Variants in KIF9 observed in about 807,000 individuals in gnomAD.
KIF9 encodes the protein kinesin-like protein KIF9.
A neutral mutation model predicts 94.8 loss-of-function variants in KIF9; 68 were observed. The observed-to-expected ratio is 0.72, with a 90% CI of 0.59 to 0.88. KIF9 has a LOEUF of 0.88. Ranked by LOEUF, KIF9 falls within the 40% of genes least tolerant of loss-of-function variation. The pLI is 0.00. For synonymous variants in KIF9, 343 were observed against 362.1 expected (o/e 0.95, Z 0.60); for missense variants, 882 against 982.5 (o/e 0.90, Z 1.37).
chr3:47,235,431 C>T (rs2107064212), intron 20 of KIF9, 82 bp downstream of exon 20: 3 of 959,752 alleles, frequency 3.1e-6, no homozygotes, highest in East Asian at 2.4e-5. Flanking sequence ...CCTCCCCTAC[C>T]TCTCTAAAGT....
intron 17 of KIF9, among the ~76,000 whole-genome samples, chr3:47,238,041 A>G (rs1179271493): frequency 6.6e-6 from 1 of 152,222 alleles, no homozygotes; most frequent in Non-Finnish European, 1.5e-5. Flanking sequence ...ATCTCCAGGA[A>G]GAAAAAGAGT....
intron 5 of KIF9, among the ~76,000 whole-genome samples, chr3:47,270,303 G>A (rs1347900621): frequency 6.6e-6 from 1 of 151,070 alleles, no homozygotes; most frequent in Non-Finnish European, 1.5e-5. Flanking sequence ...GCCCAGGTTG[G>A]AGTGCAATGG....
At chr3:47,268,226 A>C (rs1701413033) in intron 5 of KIF9, among the ~76,000 whole-genome samples, 1 of 152,172 alleles carries the variant, frequency 6.6e-6, no homozygotes, top group South Asian at 2.1e-4. Context: ...TTACAGGAGG[A>C]GGCCTTATGA....
intron 2 of KIF9, among the ~76,000 whole-genome samples, chr3:47,275,874 C>G (rs1701933939): frequency 6.6e-6 from 1 of 152,186 alleles, no homozygotes; most frequent in Non-Finnish European, 1.5e-5. Context: ...AGCCTGGTAA[C>G]AGAGGCCTGG....
chr3:47,267,290 C>T, intron 5 of KIF9, 27 bp from the exon 6 acceptor site: 1 of 1,474,518 alleles, frequency 6.8e-7, no homozygotes, highest in Non-Finnish European at 9.5e-7. Flanking sequence ...TCATAGGCAA[C>T]ATTTCGAAAA....
chr3:47,257,750 C>T (rs1700715071), intron 9 of KIF9, among the ~76,000 whole-genome samples, 190 bp from the exon 10 acceptor site: 1 of 152,124 alleles, frequency 6.6e-6, no homozygotes, highest in South Asian at 2.1e-4. Context: ...ATGAGAAGAG[C>T]AGGAAGGTGA....
chr3:47,267,325 C>A lies in KIF9; in HGVS notation c.592-62G>T. 2.5e-6 allele frequency: 3 copies of A among 1,206,594 alleles called. No individual in the cohort carries two copies. In the South Asian group the frequency reaches 3.6e-5, roughly 15 times the overall value. 74.7% of individuals were successfully genotyped at this position (1,206,594 alleles called of 1,614,324 possible). On this transcript the variant is annotated intron_variant, in intron 5 of 20. Coordinates refer to ENST00000684063, the MANE Select transcript of KIF9 (RefSeq NM_182902.4). ...AACTAAAACGACAAGGCACTTGGGT[C>A]ATTTTTCAATTATACCAATAGCTAC...
At chr3:47,242,450 A>T (rs557488239) in intron 16 of KIF9, among the ~76,000 whole-genome samples, 1 of 152,318 alleles carries the variant, frequency 6.6e-6, no homozygotes, top group African/African-American at 2.4e-5. Flanking sequence ...GTTGGTGTAC[A>T]GGTGTTCGCT....
At position 47,273,655 on chromosome 3, in the gene KIF9, G is replaced by A. The variant is rs368004267; in HGVS notation, c.263C>T (p.Thr88Ile). 7.4e-6 allele frequency: 12 copies of A among 1,613,008 alleles called. No individual in the cohort carries two copies. Among genetic ancestry groups the A allele is most frequent in the African/African-American group, 2.7e-5 (2 of 74,922 alleles). Residue 88 changes from threonine (T) to isoleucine (I), a missense_variant, in exon 4 of 21, where the codon ACC becomes ATC. Coordinates refer to ENST00000684063, the MANE Select transcript of KIF9 (RefSeq NM_182902.4). The stretch of plus-strand genomic sequence containing the variant: ...TCCCGTCTGCCCATAACACATGATG[G>A]TGCCTGCAAACATTTCAAAACACGG... Reference protein sequence around the residue: ...VSQALDGYNGTIMCYGQTGAG... With the variant: ...VSQALDGYNGIIMCYGQTGAG...
intron 8 of KIF9, among the ~76,000 whole-genome samples, chr3:47,264,667 G>A (rs1427113157): frequency 1.3e-5 from 2 of 152,164 alleles, no homozygotes; most frequent in Non-Finnish European, 2.9e-5. Flanking sequence ...TGAACTCCTG[G>A]CCTCAAGCGA....
At chr3:47,268,585 T>C (rs1169608471) in intron 5 of KIF9, among the ~76,000 whole-genome samples, 4 of 134,798 alleles carry the variant, frequency 3.0e-5, no homozygotes, top group African/African-American at 1.1e-4. Flanking sequence ...TTTCTTCTTC[T>C]TTTTTTTTTT....
chr3:47,260,189 A>G (rs1443997442), intron 9 of KIF9, among the ~76,000 whole-genome samples: 14 of 132,918 alleles, frequency 1.1e-4, no homozygotes, highest in Non-Finnish European at 1.9e-4. Context: ...ATGCATATCT[A>G]AAAGCACAGC....
At chr3:47,278,249 T>C (rs1000934261) in intron 1 of KIF9, among the ~76,000 whole-genome samples, 2 of 150,720 alleles carry the variant, frequency 1.3e-5, no homozygotes, top group Non-Finnish European at 2.9e-5. Context: ...TTTTCTTACA[T>C]TTTTTTTGCA....
intron 17 of KIF9, chr3:47,239,463 G>T: frequency 1.3e-6 from 1 of 746,154 alleles, no homozygotes; most frequent in Non-Finnish European, 1.7e-6. Context: ...GCCTTCTCCA[G>T]CTTCCCAGAC....
In KIF9 at chr3:47,244,820, C is replaced by T. The variant is rs758513292; in HGVS notation, c.1485G>A (p.Lys495=). The T allele has an allele frequency of 7.1e-5, 114 of 1,613,986 alleles. No homozygotes were observed. Among genetic ancestry groups the T allele is most frequent in the Non-Finnish European group, 7.6e-6 (9 of 1,180,040 alleles). The change falls in exon 15 of 21, where the codon AAG becomes AAA. Residue 495 remains lysine, a synonymous_variant. Transcript: ENST00000684063. ...PFSTKPGKKA[K]SKKTFKEPLS... is the part of the protein sequence containing the mutation. ...GTGGCTCTTTGAATGTCTTCTTGGA[C>T]TTGGCTTTCTTCCCAGGTTTGGTAG... is the stretch of plus-strand genomic sequence containing the variant.
intron 4 of KIF9, among the ~76,000 whole-genome samples, chr3:47,272,089 C>T (rs2107490670): frequency 6.6e-6 from 1 of 152,220 alleles, no homozygotes; most frequent in African/African-American, 2.4e-5. Context: ...CACTGCACTC[C>T]AGCCTGGGTG....
intron 9 of KIF9, among the ~76,000 whole-genome samples, chr3:47,261,055 T>G (rs1362715314): frequency 1.3e-5 from 2 of 151,938 alleles, no homozygotes; most frequent in Non-Finnish European, 2.9e-5. Flanking sequence ...AAGTGGTAGG[T>G]GTTTGGTAAA....
At chr3:47,275,812 G>C (rs1051819271) in intron 2 of KIF9, among the ~76,000 whole-genome samples, 1 of 152,202 alleles carries the variant, frequency 6.6e-6, no homozygotes, top group Non-Finnish European at 1.5e-5. Context: ...ACAAGTTTTA[G>C]ATAGATTCCA....
chr3:47,264,062 C>A (rs1701141662), intron 9 of KIF9: 2 of 567,244 alleles, frequency 3.5e-6, no homozygotes, highest in Non-Finnish European at 6.6e-6. Context: ...CCATGCTGAG[C>A]CTGCCTGCTG....
Sources: gnomAD v4.1 joint callset for allele counts (sites outside exome capture counted in the v4.1 genomes callset) on GRCh38, gnomAD v4.1.1 for gene constraint, MANE v1.5 for transcripts, NCBI Gene and HGNC (gene_info 2026-07-23, HGNC 2026-07-21) for gene names.